ALK: variants seen among roughly 807,000 people sequenced by gnomAD.
ALK encodes the protein ALK receptor tyrosine kinase.
Under a neutral mutation model 163.1 loss-of-function variants are expected in ALK, and 74 were observed. The observed-to-expected ratio is 0.45, with a 90% CI of 0.38 to 0.55. ALK has a LOEUF of 0.55. Among genes scored for constraint, ALK ranks in the 20% least tolerant of loss-of-function variants. The pLI is 0.00. For missense variants in ALK, 2,063 were observed against 2,105.3 expected (o/e 0.98, Z 0.39); for synonymous variants, 960 against 843.2 (o/e 1.14, Z -2.40).
At chr2:29,708,225 GC>G (rs1179575202) in intron 2 of ALK, among the ~76,000 whole-genome samples, 1 of 152,130 alleles carries the variant, frequency 6.6e-6, no homozygotes, top group African/African-American at 2.4e-5. Context: ...CTGCCACCAT[GC>G]CCGGCTAATT....
chr2:29,752,354 T>C (rs914694636), intron 1 of ALK, among the ~76,000 whole-genome samples: 15 of 147,250 alleles, frequency 1.0e-4, no homozygotes, highest in Admixed American at 4.7e-4. Context: ...TTTTCTTTTT[T>C]TTTTTTTTTT....
chr2:29,418,620 C>T lies in ALK; in HGVS notation c.1155-34761G>A, dbSNP rs534431175. ...ATGTGTACCCACTGTTTAGCTCCCA[C>T]GTATAAGTGACAACATGTGGTATAT... On this transcript the variant is annotated intron_variant, in intron 4 of 28. Coordinates refer to ENST00000389048, the MANE Select transcript of ALK (RefSeq NM_004304.5). Among the ~76,000 whole-genome samples, 22 of 152,274 alleles carry T rather than the reference C, an allele frequency of 1.4e-4. No individual in the cohort carries two copies. The South Asian group carries it at 3.9e-3, about 27-fold the overall frequency.
At chr2:29,656,475 A>AAC (rs1361819748) in intron 3 of ALK, among the ~76,000 whole-genome samples, 1 of 152,204 alleles carries the variant, frequency 6.6e-6, no homozygotes, top group African/African-American at 2.4e-5. Context: ...ATTGAAAGCA[A>AAC]ATGCTAATAT....
intron 23 of ALK, among the ~76,000 whole-genome samples, chr2:29,216,613 G>A (rs542392155): frequency 1.3e-5 from 2 of 152,168 alleles, no homozygotes; most frequent in South Asian, 2.1e-4. Context: ...TGGTGTGTAC[G>A]TGTCTGTGGT....
intron 3 of ALK, among the ~76,000 whole-genome samples, chr2:29,540,940 A>G (rs1184059770): frequency 2.0e-5 from 3 of 152,160 alleles, no homozygotes; most frequent in Non-Finnish European, 4.4e-5. Flanking sequence ...ATCCAGAAAT[A>G]TGTGTCAGAT....
chr2:29,696,121 C>A (rs1678553951), intron 2 of ALK, among the ~76,000 whole-genome samples: 1 of 152,206 alleles, frequency 6.6e-6, no homozygotes, highest in Non-Finnish European at 1.5e-5. Flanking sequence ...ATAGCAAAGA[C>A]TTGGAACCAA....
At chr2:29,776,852 T>G (rs1681190923) in intron 1 of ALK, among the ~76,000 whole-genome samples, 1 of 152,130 alleles carries the variant, frequency 6.6e-6, no homozygotes, top group Non-Finnish European at 1.5e-5. Flanking sequence ...ACCCCAAGTC[T>G]TAGTTCACGT....
At chr2:29,857,990 T>C (rs1023995500) in intron 1 of ALK, among the ~76,000 whole-genome samples, 8 of 152,224 alleles carry the variant, frequency 5.3e-5, no homozygotes, top group Non-Finnish European at 5.9e-5. Context: ...GATACTGACA[T>C]TGATACAATC....
chr2:29,406,898 C>CAA lies in ALK; in HGVS notation c.1155-23041_1155-23040dup, dbSNP rs11397203. Among the ~76,000 whole-genome samples, 277 of 133,356 alleles carry CAA rather than the reference C, an allele frequency of 2.1e-3. 2 individuals carry two copies. The highest frequency in any genetic ancestry group is 8.5e-3 in the East Asian group (39 of 4,600). 87.5% of individuals were successfully genotyped at this position (133,356 alleles called of 152,430 possible). ...TGGGAGCCAGAGTGAGACTCCATCT[C>CAA]AAAAAAAAAAAAAAAAGTTACAACA... On this transcript the variant is annotated intron_variant, in intron 4 of 28. Coordinates refer to ENST00000389048, the MANE Select transcript of ALK (RefSeq NM_004304.5).
At chr2:29,315,996 C>T (rs1464775342) in intron 8 of ALK, among the ~76,000 whole-genome samples, 1 of 152,124 alleles carries the variant, frequency 6.6e-6, no homozygotes, top group Non-Finnish European at 1.5e-5. Context: ...GCAACAGAGG[C>T]CCCTGTAGGG....
rs906467347 is a variant in ALK at position 29,693,068 on chromosome 2, C to G, written c.952+1782G>C. ...CATGAAGAAGAGCAAATAAGTGATT[C>G]ACACAAAATATAGGAGAGTGGTTAC... On this transcript the variant is annotated intron_variant, in intron 3 of 28. Transcript: ENST00000389048. Among the ~76,000 whole-genome samples the G allele has an allele frequency of 3.9e-5, 6 of 152,100 alleles. No homozygotes were observed. The South Asian group carries it at 1.2e-3, about 32-fold the overall frequency.
chr2:29,813,179 T>C (rs1351110411), intron 1 of ALK, among the ~76,000 whole-genome samples: 1 of 151,970 alleles, frequency 6.6e-6, no homozygotes, highest in African/African-American at 2.4e-5. Context: ...TCCGACAGAG[T>C]ACAGCACATT....
intron 3 of ALK, among the ~76,000 whole-genome samples, chr2:29,649,441 T>A (rs900353239): frequency 6.6e-6 from 1 of 152,120 alleles, no homozygotes; most frequent in African/African-American, 2.4e-5. Flanking sequence ...TTATGAAAAA[T>A]TCAAAGCCAA....
At chr2:29,247,762 A>T in intron 12 of ALK, among the ~76,000 whole-genome samples, 1 of 152,104 alleles carries the variant, frequency 6.6e-6, no homozygotes, top group Non-Finnish European at 1.5e-5. Flanking sequence ...AGCAGTGGGC[A>T]GAGAAGTCAG....
rs553843424 is a variant in ALK at position 29,612,737 on chromosome 2, GA to G, written c.953-80622del. 1.6e-3 allele frequency among the ~76,000 whole-genome samples: 238 copies of G among 152,272 alleles called. 2 individuals are homozygous for G. Among genetic ancestry groups the G allele is most frequent in the African/African-American group, 5.4e-3 (226 of 41,554 alleles). ...AAGGGGGTGCTGGGAGTGGGGATGG[GA>G]AAATGGGAGCTTCAGGATGTTTATT... On this transcript the variant is annotated intron_variant, in intron 3 of 28. Coordinates refer to ENST00000389048, the MANE Select transcript of ALK (RefSeq NM_004304.5).
intron 8 of ALK, among the ~76,000 whole-genome samples, chr2:29,301,308 T>A (rs1017945516): frequency 2.6e-5 from 4 of 152,228 alleles, no homozygotes; most frequent in Non-Finnish European, 5.9e-5. Context: ...CTCCTCCTCT[T>A]AAATCTTCTA....
intron 1 of ALK, among the ~76,000 whole-genome samples, chr2:29,877,572 ATCATTCAT>A (rs370483105): frequency 6.6e-6 from 1 of 152,130 alleles, no homozygotes; most frequent in South Asian, 2.1e-4. Flanking sequence ...GTATTAAGTA[ATCATTCAT>A]TCATTCATTC....
At chr2:29,543,858 T>C (rs946560351) in intron 3 of ALK, among the ~76,000 whole-genome samples, 29 of 152,148 alleles carry the variant, frequency 1.9e-4, no homozygotes, top group African/African-American at 6.8e-4. Flanking sequence ...CGTTGATAGT[T>C]CTCTATTTAA....
At chr2:29,847,088 G>A (rs772893768) in intron 1 of ALK, among the ~76,000 whole-genome samples, 1 of 152,162 alleles carries the variant, frequency 6.6e-6, no homozygotes, top group Non-Finnish European at 1.5e-5. Flanking sequence ...AAAACACAGA[G>A]AGGAATCTCA....
Sources: allele counts gnomAD v4.1 joint callset (sites outside exome capture counted in the v4.1 genomes callset), GRCh38; gene constraint gnomAD v4.1.1; transcripts MANE v1.5; gene names NCBI Gene and HGNC (gene_info 2026-07-23, HGNC 2026-07-21).